SRPK2: variants seen among roughly 807,000 people sequenced by gnomAD.
SRPK2 encodes SFRS protein kinase 2.
Under a neutral mutation model 90.8 loss-of-function variants are expected in SRPK2, and 21 were observed. The observed-to-expected ratio is 0.23, with a 90% confidence interval of 0.16 to 0.33. The LOEUF (loss-of-function observed/expected upper bound fraction) is 0.33, where lower values mean the gene tolerates loss of function less well. SRPK2 is among the 10% of genes least tolerant of loss of function. The probability of loss-of-function intolerance (pLI) is 1.00; values close to 1 mark genes in which losing one functional copy is unlikely to be tolerated. For synonymous variants in SRPK2, 288 were observed against 311.1 expected (o/e 0.93, Z 0.78); for missense variants, 620 against 869.0 (o/e 0.71, Z 3.60).
intron 2 of SRPK2, among the ~76,000 whole-genome samples, chr7:105,377,820 A>C (rs1820486839): frequency 6.6e-6 from 1 of 152,198 alleles, no homozygotes. Context: ...GCTAATTCAG[A>C]AACATGGAAT....
chr7:105,166,351 C>T (rs1790062479), intron 6 of SRPK2, among the ~76,000 whole-genome samples: 1 of 152,110 alleles, frequency 6.6e-6, no homozygotes, highest in Non-Finnish European at 1.5e-5. Context: ...ATTAAGAAGT[C>T]TCCAATACCA....
intron 3 of SRPK2, among the ~76,000 whole-genome samples, chr7:105,174,898 A>G (rs927968684): frequency 6.6e-6 from 1 of 151,972 alleles, no homozygotes; most frequent in African/African-American, 2.4e-5. Flanking sequence ...AATCACAACA[A>G]TTTGGGAGGC....
rs75133290 is a variant in SRPK2 at position 105,244,887 on chromosome 7, G to C, written c.72-41102C>G. The stretch of plus-strand genomic sequence containing the variant: ...CAAGTTCATCAAGAAAAGGGTGTGG[G>C]CGCACATCCGCGCCAAGAGGAAGCG... On this transcript the variant is annotated intron_variant, in intron 2 of 15. Transcript: ENST00000393651. 1,609 of 1,380,952 alleles carry C rather than the reference G, an allele frequency of 1.2e-3. 13 individuals are homozygous for C. In the African/African-American group the frequency reaches 0.019, roughly 16 times the overall value. 85.5% of individuals were successfully genotyped at this position (1,380,952 alleles called of 1,614,324 possible).
intron 2 of SRPK2, among the ~76,000 whole-genome samples, chr7:105,363,412 C>A (rs996073962): frequency 1.3e-5 from 2 of 152,128 alleles, no homozygotes; most frequent in East Asian, 3.9e-4. Flanking sequence ...ATGCAACCAA[C>A]AGACACATGA....
At chr7:105,192,826 T>C (rs1188116624) in intron 3 of SRPK2, among the ~76,000 whole-genome samples, 1 of 152,238 alleles carries the variant, frequency 6.6e-6, no homozygotes, top group African/African-American at 2.4e-5. Flanking sequence ...TCATAGTCTA[T>C]TGGCCATCTG....
At chr7:105,393,367 G>C (rs953106280), upstream of SRPK2, among the ~76,000 whole-genome samples, 20 of 151,824 alleles carry the variant, frequency 1.3e-4, no homozygotes, top group African/African-American at 4.8e-4. Flanking sequence ...CCTGACCTCA[G>C]GTGATCCGCC....
Position 105,301,461 on chromosome 7 carries a change from G to T in SRPK2, c.71+87187C>A. 7.6e-6 allele frequency: 7 copies of T among 927,052 alleles called. No individual in the cohort carries two copies. The South Asian group carries it at 9.1e-5, about 12-fold the overall frequency. The allele number at this position is 927,052 out of a possible 1,614,324, so 57.4% of individuals were successfully genotyped here. A position where few individuals can be genotyped will look rare whatever the true frequency, so the allele number is the denominator to read the frequency against. ...GCCGGGCCTCTGGGCCGCTGCCCTC[G>T]CTTTGTCTTCGTTGTTGCAAGCACC... On this transcript the variant is annotated intron_variant, in intron 2 of 15. Transcript: ENST00000393651.
At chr7:105,384,530 C>T (rs1445943687) in intron 2 of SRPK2, among the ~76,000 whole-genome samples, 1 of 152,118 alleles carries the variant, frequency 6.6e-6, no homozygotes, top group Admixed American at 6.6e-5. Flanking sequence ...TCATATTATA[C>T]CAAGCCAGAC....
chr7:105,295,875 G>A (rs1809748588), intron 2 of SRPK2, among the ~76,000 whole-genome samples: 2 of 152,188 alleles, frequency 1.3e-5, no homozygotes, highest in African/African-American at 4.8e-5. Context: ...GACAGATACT[G>A]AGGATTAAGA....
intron 2 of SRPK2, among the ~76,000 whole-genome samples, chr7:105,320,882 G>C (rs117257806): frequency 6.6e-6 from 1 of 152,140 alleles, no homozygotes; most frequent in Non-Finnish European, 1.5e-5. Flanking sequence ...GCCCAGGCTG[G>C]AATGGCGGTG....
At chr7:105,389,345 G>C, upstream of SRPK2, 1 of 1,277,238 alleles carries the variant, frequency 7.8e-7, no homozygotes, top group Non-Finnish European at 1.0e-6. Context: ...CTCTCCCTTT[G>C]CTCCTCTACA....
intron 2 of SRPK2, among the ~76,000 whole-genome samples, chr7:105,223,893 G>A (rs1009713709): frequency 1.3e-5 from 2 of 152,192 alleles, no homozygotes; most frequent in African/African-American, 4.8e-5. Context: ...ATCTGTATAT[G>A]CCTCGAGTTA....
intron 7 of SRPK2, among the ~76,000 whole-genome samples, chr7:105,152,024 A>C (rs1282765235): frequency 3.3e-5 from 2 of 60,884 alleles, no homozygotes; most frequent in African/African-American, 1.0e-4. Context: ...GTTCTGTCTC[A>C]AAAAAAAAAA....
chr7:105,347,585 G>T (rs1055052435), intron 2 of SRPK2, among the ~76,000 whole-genome samples: 2 of 152,046 alleles, frequency 1.3e-5, no homozygotes, highest in Non-Finnish European at 2.9e-5. Flanking sequence ...TGGGCATGAC[G>T]GCCCATGCCT....
At chr7:105,310,591 C>T (rs67162771) in intron 2 of SRPK2, among the ~76,000 whole-genome samples, 65,115 of 151,626 alleles carry the variant, frequency 0.43, 15,439 homozygotes, top group Non-Finnish European at 0.53. Context: ...TTGTAGAAGC[C>T]GAGATCGCGC....
chr7:105,361,504 C>G (rs1403136746), intron 2 of SRPK2, among the ~76,000 whole-genome samples: 1 of 152,162 alleles, frequency 6.6e-6, no homozygotes, highest in Non-Finnish European at 1.5e-5. Flanking sequence ...CAAAAAAGAG[C>G]ACGCACTGCC....
intron 2 of SRPK2, among the ~76,000 whole-genome samples, chr7:105,285,700 T>C (rs567656332): frequency 6.6e-6 from 1 of 152,264 alleles, no homozygotes; most frequent in African/African-American, 2.4e-5. Flanking sequence ...TTACTCCCGC[T>C]CTCTCTTGCT....
chr7:105,337,513 C>T (rs895733367), intron 2 of SRPK2, among the ~76,000 whole-genome samples: 5 of 151,898 alleles, frequency 3.3e-5, no homozygotes, highest in African/African-American at 1.2e-4. Context: ...CAGGGTTTCA[C>T]CATGTTGGCC....
intron 7 of SRPK2, 123 bp downstream of exon 7, chr7:105,160,384 A>C: frequency 1.9e-6 from 1 of 521,988 alleles, no homozygotes; most frequent in Non-Finnish European, 3.5e-6. Context: ...TGTAACATAC[A>C]TAACATATAT....
Sources: gnomAD v4.1 joint callset for allele counts (sites outside exome capture counted in the v4.1 genomes callset) on GRCh38, gnomAD v4.1.1 for gene constraint, MANE v1.5 for transcripts, NCBI Gene and HGNC (gene_info 2026-07-23, HGNC 2026-07-21) for gene names.